The following MREG variants were observed in gnomAD, a reference collection of about 807,000 sequenced individuals.
MREG encodes the protein dilute suppressor protein homolog.
MREG carries 31 observed loss-of-function variants against 28.5 expected under a neutral mutation model. The ratio of observed to expected loss-of-function variants is 1.09; its 90% confidence interval spans 0.82 to 1.47. The LOEUF (loss-of-function observed/expected upper bound fraction) is 1.47. Among genes scored for constraint, MREG ranks in the 40% most tolerant of loss-of-function variants. MREG has a pLI of 0.00. For synonymous variants in MREG, 106 were observed against 95.2 expected (o/e 1.11, Z -0.66); for missense variants, 256 against 257.4 (o/e 0.99, Z 0.04).
At chr2:216,032,882 G>A (rs1036511863) in exon 1 of MREG, 1 of 145,320 alleles carries the variant, frequency 6.9e-6, no homozygotes, top group East Asian at 2.2e-4. Flanking sequence ...AACAAGGAGT[G>A]CAGAAGAAAT....
At chr2:215,961,760 C>A (rs541577745) in intron 2 of MREG, among the ~76,000 whole-genome samples, 1 of 152,228 alleles carries the variant, frequency 6.6e-6, no homozygotes, top group South Asian at 2.1e-4. Flanking sequence ...TATCTACTTG[C>A]CCTTTCACTG....
chr2:216,026,140 A>C (rs1191463208), intron 1 of MREG, among the ~76,000 whole-genome samples: 1 of 152,238 alleles, frequency 6.6e-6, no homozygotes, highest in Non-Finnish European at 1.5e-5. Context: ...TTCAATATAC[A>C]TTAAATATCC....
At chr2:215,939,829 A>C (rs1275853985), downstream of MREG, among the ~76,000 whole-genome samples, 2 of 152,256 alleles carry the variant, frequency 1.3e-5, no homozygotes. Flanking sequence ...AGAATATATG[A>C]TAAAGTTCAG....
At chr2:215,949,923 T>C (rs1692441838) in intron 2 of MREG, among the ~76,000 whole-genome samples, 2 of 152,266 alleles carry the variant, frequency 1.3e-5, no homozygotes, top group African/African-American at 2.4e-5. Flanking sequence ...TATCTCACTA[T>C]ACTTTTATGT....
intron 2 of MREG, among the ~76,000 whole-genome samples, chr2:215,985,292 C>T (rs1027708176): frequency 6.6e-6 from 1 of 152,182 alleles, no homozygotes; most frequent in African/African-American, 2.4e-5. Flanking sequence ...TAAAGCACAA[C>T]TACTTTAATG....
At chr2:215,957,570 A>G (rs1011142403) in intron 2 of MREG, among the ~76,000 whole-genome samples, 2 of 152,148 alleles carry the variant, frequency 1.3e-5, no homozygotes, top group East Asian at 3.9e-4. Flanking sequence ...GACTGAGGAG[A>G]GAAGGTAAAT....
At chr2:216,033,991 G>C (rs1426529651), upstream of MREG, 1 of 152,166 alleles carries the variant, frequency 6.6e-6, no homozygotes, top group Non-Finnish European at 1.5e-5. Context: ...GAATCTTCCC[G>C]CTGGTTGATC....
intron 2 of MREG, among the ~76,000 whole-genome samples, chr2:215,976,959 G>C (rs974963639): frequency 6.6e-6 from 1 of 152,134 alleles, no homozygotes; most frequent in African/African-American, 2.4e-5. Flanking sequence ...TGCTAGGAAG[G>C]AACTGCATCA....
At chr2:216,011,608 T>G (rs966248449) in intron 1 of MREG, among the ~76,000 whole-genome samples, 3 of 152,368 alleles carry the variant, frequency 2.0e-5, no homozygotes, top group Middle Eastern at 3.4e-3. Flanking sequence ...CCAGGCAACC[T>G]GATTCACAAG....
downstream of MREG, among the ~76,000 whole-genome samples, chr2:215,939,959 T>C (rs142286943): frequency 6.0e-3 from 917 of 152,346 alleles, 2 homozygotes; most frequent in Non-Finnish European, 0.01. Context: ...CCTCTAGCTA[T>C]TATGTCATTA....
intron 1 of MREG, chr2:216,032,732 C>G (rs532377662): frequency 3.3e-5 from 5 of 152,312 alleles, no homozygotes; most frequent in South Asian, 4.1e-4. Context: ...CCCCATGTTA[C>G]CCCCATCCAA....
At chr2:216,020,612 TG>T (rs1694505920) in intron 1 of MREG, among the ~76,000 whole-genome samples, 1 of 151,834 alleles carries the variant, frequency 6.6e-6, no homozygotes, top group African/African-American at 2.4e-5. Context: ...GGGCTAAGAG[TG>T]GGAAAGTTGT....
At chr2:216,019,368 T>C (rs948835687) in intron 1 of MREG, among the ~76,000 whole-genome samples, 1 of 152,174 alleles carries the variant, frequency 6.6e-6, no homozygotes, top group African/African-American at 2.4e-5. Context: ...AAGTTTGATT[T>C]AGTCAGGTGA....
At chr2:215,986,798 T>C (rs1232389238) in intron 2 of MREG, among the ~76,000 whole-genome samples, 7 of 152,336 alleles carry the variant, frequency 4.6e-5, no homozygotes, top group Non-Finnish European at 7.4e-5. Flanking sequence ...TCCCCAGCCA[T>C]GAGGAACTGT....
chr2:215,993,960 G>A (rs910826860), intron 2 of MREG, among the ~76,000 whole-genome samples: 1 of 152,104 alleles, frequency 6.6e-6, no homozygotes, highest in African/African-American at 2.4e-5. Flanking sequence ...TTACACTGTT[G>A]GTGGGAGTGT....
intron 2 of MREG, among the ~76,000 whole-genome samples, chr2:215,958,704 A>T (rs942240208): frequency 6.6e-6 from 1 of 152,186 alleles, no homozygotes; most frequent in South Asian, 2.1e-4. Context: ...CCTGCTCTCT[A>T]GGGAAAGGGC....
At chr2:215,956,931 AC>A (rs1424808145) in intron 2 of MREG, among the ~76,000 whole-genome samples, 1 of 152,078 alleles carries the variant, frequency 6.6e-6, no homozygotes, top group East Asian at 1.9e-4. Context: ...TGAGACGGAT[AC>A]CCTTATAATC....
chr2:215,981,636 CA>C (rs1454479890), intron 2 of MREG, among the ~76,000 whole-genome samples: 1 of 152,060 alleles, frequency 6.6e-6, no homozygotes, highest in Non-Finnish European at 1.5e-5. Flanking sequence ...AAAATGATTA[CA>C]AGAGGAAATT....
At chr2:215,992,769 A>G (rs891534636) in intron 2 of MREG, among the ~76,000 whole-genome samples, 15 of 152,352 alleles carry the variant, frequency 9.8e-5, no homozygotes, top group African/African-American at 3.6e-4. Flanking sequence ...GTACACCAAT[A>G]ATAGGTAAAC....
Sources: allele counts gnomAD v4.1 joint callset (sites outside exome capture counted in the v4.1 genomes callset), GRCh38; gene constraint gnomAD v4.1.1; transcripts MANE v1.5; gene names NCBI Gene and HGNC (gene_info 2026-07-23, HGNC 2026-07-21).